IRS2: variants seen among roughly 807,000 people sequenced by gnomAD.
IRS2 encodes the protein insulin receptor substrate 2.
Under a neutral mutation model 70.9 loss-of-function variants are expected in IRS2, and 28 were observed. The ratio of observed to expected loss-of-function variants is 0.39; its 90% CI spans 0.29 to 0.54. The LOEUF is 0.54. Among genes scored for constraint, IRS2 ranks in the 20% least tolerant of loss-of-function variants. The pLI is 0.59. For synonymous variants in IRS2, 1,217 were observed against 981.9 expected, an observed-to-expected ratio of 1.24 and a Z score of -4.48; for missense variants, 2,081 against 2,024.1, an observed-to-expected ratio of 1.03 and a Z score of -0.54.
intron 1 of IRS2, among the ~76,000 whole-genome samples, chr13:109,767,728 C>CTTTTTT (rs748211544): frequency 7.5e-5 from 9 of 119,782 alleles, no homozygotes; most frequent in African/African-American, 9.6e-5. Context: ...ACCATTTTTC[C>CTTTTTT]TTTTTTTTTT....
rs2138938296 is a variant in IRS2, at chr13:109,785,444, G to C, written c.610C>G (p.Pro204Ala). The C allele has an allele frequency of 6.2e-7, 1 of 1,611,956 alleles. No individual in the cohort carries two copies. The highest frequency in any genetic ancestry group is 8.5e-7 in the Non-Finnish European group (1 of 1,179,690). Residue 204 changes from proline (P) to alanine (A), a missense_variant, in exon 1 of 2, where the codon CCC (proline) becomes GCC (alanine). By Grantham distance (27) the Pro-to-Ala change is conservative. This residue lies in a region of IRS2 where 320 missense variants were observed against 352.9 expected (regional missense o/e 0.91). Transcript: ENST00000375856. The surrounding 1 kb of genome is among the most constrained non-coding windows in gnomAD (Gnocchi z 9.3). ...YREVWQVNLK[P>A]KGLGQSKNLT... ...TTCTTGCTCTGGCCCAGACCCTTGG[G>C]CTTCAGGTTCACCTGCCACACCTCA...
intron 1 of IRS2, among the ~76,000 whole-genome samples, chr13:109,780,366 G>GT (rs1877669688): frequency 6.6e-6 from 1 of 152,188 alleles, no homozygotes; most frequent in Admixed American, 6.5e-5. Flanking sequence ...TAGTGTATAA[G>GT]TAACTCCAAC....
rs771264370 is a variant in IRS2 at position 109,786,024 on chromosome 13, G to C, written c.30C>G (p.Pro10=). 267 of 1,367,600 alleles carry C rather than the reference G, an allele frequency of 2.0e-4. No individual in the cohort carries two copies. Among genetic ancestry groups the C allele is most frequent in the Middle Eastern group, 4.3e-4 (2 of 4,618 alleles). 84.7% of individuals were successfully genotyped at this position (1,367,600 alleles called of 1,614,324 possible). The part of the protein sequence containing the change: MASPPRHGP[P]GPASGDGPNL... ...TGGGGCCGTCTCCGCTCGCCGGCCC[G>C]GGCGGCCCGTGCCGCGGCGGGCTCG... The change falls in exon 1 of 2, where the codon CCC becomes CCG. Residue 10 remains proline (P), a synonymous_variant. Transcript: ENST00000375856. This position sits in a 1 kb window ranked among gnomAD's most constrained non-coding sequence, Gnocchi z 4.4.
In IRS2 at chr13:109,782,915, C is replaced by G. The variant is rs1316344339; in HGVS notation, c.3139G>C (p.Ala1047Pro). The G allele has an allele frequency of 2.6e-6, 4 of 1,543,934 alleles. No individual in the cohort carries two copies. Among genetic ancestry groups the G allele is most frequent in the Non-Finnish European group, 3.5e-6 (4 of 1,143,946 alleles). The change falls in exon 1 of 2, where the codon GCC (alanine) becomes CCC (proline). Residue 1047 changes from alanine to proline, a missense_variant. By Grantham distance (27) the Ala-to-Pro change is conservative. Coordinates refer to ENST00000375856, the MANE Select transcript of IRS2 (RefSeq NM_003749.3). The part of the protein sequence containing the change: ...APGELYRLPP[A>P]SAVATAQGPG... ...CCCTGGGCGGTGGCAACGGCCGAGG[C>G]GGGGGGCAGGCGGTACAGCTCCCCC...
chr13:109,758,935 G>A (rs1225357325), intron 1 of IRS2, among the ~76,000 whole-genome samples: 4 of 151,466 alleles, frequency 2.6e-5, no homozygotes. Flanking sequence ...AAGGAGGGAG[G>A]AAGGGGAAAG....
chr13:109,783,424 G>A lies in IRS2; in HGVS notation c.2630C>T (p.Pro877Leu), dbSNP rs775002025. Residue 877 changes from proline to leucine, a missense_variant, in exon 1 of 2, where the codon CCG (proline) becomes CTG (leucine). Pro to Leu is a moderately conservative substitution (Grantham distance 98). This residue lies in a region of IRS2 where 1,615 missense variants were observed against 1,459.5 expected (regional missense o/e 1.11). Transcript: ENST00000375856. ...GCCGCGCTGGCCCAAGAAGCCCTCCGGGCGGCCGCCGCTAGGCCGCACGGG... is the reference window on the plus strand; with the variant it reads ...GCCGCGCTGGCCCAAGAAGCCCTCCAGGCGGCCGCCGCTAGGCCGCACGGG... ...PSPVRPSGGR[P>L]EGFLGQRGRA... The A allele has an allele frequency of 5.4e-6, 8 of 1,492,760 alleles. No individual in the cohort carries two copies. The African/African-American group carries it at 8.7e-5, about 16-fold the overall frequency. 92.5% of individuals were successfully genotyped at this position (1,492,760 alleles called of 1,614,324 possible). A position where few individuals can be genotyped will look rare whatever the true frequency, so the allele number is the denominator to read the frequency against.
chr13:109,772,530 T>C (rs563590642), intron 1 of IRS2, among the ~76,000 whole-genome samples: 13 of 152,258 alleles, frequency 8.5e-5, no homozygotes, highest in Non-Finnish European at 1.9e-4. Flanking sequence ...CAGCCAGGTC[T>C]CCAATCTCAC....
chr13:109,782,366 C>A lies in IRS2; in HGVS notation c.3688G>T (p.Gly1230Cys), dbSNP rs113301332. ...WTPGQPGGLV[G>C]CPGSGGSPMR... ...GGCGATCCACCGCTCCCAGGACAAC[C>A]GACCAAGCCCCCGGGCTGACCCGGG... The change falls in exon 1 of 2, where the codon GGT becomes TGT. Residue 1230 changes from glycine (G) to cysteine (C), a missense_variant. By Grantham distance (159) the Gly-to-Cys change is radical (BLOSUM62 -3). Around this residue, in one of 4 missense-constraint regions of IRS2, gnomAD observed 1,615 missense variants for 1,459.5 expected, o/e 1.11. Coordinates refer to ENST00000375856, the MANE Select transcript of IRS2 (RefSeq NM_003749.3). 1.2e-5 allele frequency: 19 copies of A among 1,611,596 alleles called. No individual in the cohort carries two copies. The highest frequency in any genetic ancestry group is 1.7e-4 in the Middle Eastern group (1 of 6,060).
In IRS2 at chr13:109,783,714, C is replaced by A. The variant is rs776773781; in HGVS notation, c.2340G>T (p.Pro780=). 1.9e-6 allele frequency: 3 copies of A among 1,571,914 alleles called. No homozygotes were observed. Among genetic ancestry groups the A allele is most frequent in the East Asian group, 2.4e-5 (1 of 42,378 alleles). The change falls in exon 1 of 2, where the codon CCG becomes CCT. Residue 780 remains proline (P), a synonymous_variant. Coordinates refer to ENST00000375856, the MANE Select transcript of IRS2 (RefSeq NM_003749.3). The part of the protein sequence containing the change: ...SPSDAVTTGT[P]PDFFSAALHP... Reference sequence around the variant, plus strand: ...GCAGGGCTGCGGAGAAGAAGTCGGGCGGGGTGCCCGTGGTGACCGCGTCGC... The same window carrying A: ...GCAGGGCTGCGGAGAAGAAGTCGGGAGGGGTGCCCGTGGTGACCGCGTCGC...
At chr13:109,777,648 G>A (rs747962810) in intron 1 of IRS2, among the ~76,000 whole-genome samples, 1 of 152,072 alleles carries the variant, frequency 6.6e-6, no homozygotes, top group East Asian at 1.9e-4. Flanking sequence ...AACAACCTCA[G>A]GGTTCTGTTT....
intron 1 of IRS2, among the ~76,000 whole-genome samples, chr13:109,776,128 G>A (rs1877570605): frequency 6.7e-6 from 1 of 148,600 alleles, no homozygotes; most frequent in Non-Finnish European, 1.5e-5. Flanking sequence ...CAGACTGAGT[G>A]ATAGAGTGAG....
At chr13:109,782,012 G>A (rs746771171) in intron 1 of IRS2, 30 bp downstream of exon 1, 6 of 1,608,510 alleles carry the variant, frequency 3.7e-6, no homozygotes, top group African/African-American at 1.3e-5. Context: ...CCTCCTTCCC[G>A]CCAGACGCCA....
At chr13:109,759,370 C>T (rs1025698082) in intron 1 of IRS2, among the ~76,000 whole-genome samples, 4 of 152,042 alleles carry the variant, frequency 2.6e-5, no homozygotes, top group African/African-American at 4.8e-5. Context: ...TGCTTGGAAG[C>T]GCTCGCGGTG....
rs1464161443 is a variant in IRS2 at position 109,784,272 on chromosome 13, C to A, written c.1782G>T (p.Ser594=). Residue 594 remains serine, a synonymous_variant, in exon 1 of 2, where the codon TCG becomes TCT. Coordinates refer to ENST00000375856, the MANE Select transcript of IRS2 (RefSeq NM_003749.3). This position sits in a 1 kb window ranked among gnomAD's most constrained non-coding sequence, Gnocchi z 5.2. ...QRPVPQPSSA[S]LDEYTLMRAT... Reference sequence around the variant, plus strand: ...CCCGCATCAGGGTGTATTCATCCAGCGAGGCAGAGGAGGGCTGGGGCACCG... The same window carrying A: ...CCCGCATCAGGGTGTATTCATCCAGAGAGGCAGAGGAGGGCTGGGGCACCG... The A allele has an allele frequency of 1.3e-6, 2 of 1,592,082 alleles. No homozygotes were observed. The highest frequency in any genetic ancestry group is 1.7e-6 in the Non-Finnish European group (2 of 1,168,698).
At position 109,785,543 on chromosome 13, in the gene IRS2, G is replaced by T. The variant is rs764248590; in HGVS notation, c.511C>A (p.Leu171Met). Residue 171 changes from leucine to methionine, a missense_variant, in exon 1 of 2, where the codon CTG (leucine) becomes ATG (methionine). Around this residue, in one of 4 missense-constraint regions of IRS2, gnomAD observed 320 missense variants for 352.9 expected, o/e 0.91. Transcript: ENST00000375856. The surrounding 1 kb of genome is among the most constrained non-coding windows in gnomAD (Gnocchi z 9.3). ...ASCSASLPGA[L>M]GGSAGAAGAE... ...CCGGCGGCGCCGGCAGAGCCGCCCA[G>T]GGCGCCGGGCAGGGAGGCGCTGCAG... 1.3e-6 allele frequency: 2 copies of T among 1,550,390 alleles called. No homozygotes were observed. The highest frequency in any genetic ancestry group is 1.7e-6 in the Non-Finnish European group (2 of 1,147,488).
At chr13:109,769,508 T>G (rs914562626) in intron 1 of IRS2, among the ~76,000 whole-genome samples, 2 of 152,178 alleles carry the variant, frequency 1.3e-5, no homozygotes, top group African/African-American at 4.8e-5. Flanking sequence ...TCATCCCCTT[T>G]GCCTACTTGG....
At chr13:109,761,685 C>A (rs1877231456) in intron 1 of IRS2, among the ~76,000 whole-genome samples, 2 of 151,008 alleles carry the variant, frequency 1.3e-5, no homozygotes, top group Non-Finnish European at 3.0e-5. Context: ...GGAAAAAAAA[C>A]TAACTTAAAA....
Position 109,784,933 on chromosome 13 carries a change from C to G in IRS2, c.1121G>C (p.Gly374Ala), listed in dbSNP as rs1009319751. Residue 374 changes from glycine to alanine, a missense_variant, in exon 1 of 2, where the codon GGA becomes GCA. By Grantham distance (60) the Gly-to-Ala change is moderately conservative. Around this residue, in one of 4 missense-constraint regions of IRS2, gnomAD observed 1,615 missense variants for 1,459.5 expected, o/e 1.11. Coordinates refer to ENST00000375856, the MANE Select transcript of IRS2 (RefSeq NM_003749.3). The surrounding 1 kb of genome is among the most constrained non-coding windows in gnomAD (Gnocchi z 5.2). ...ASEGDGGAAA[G>A]AAAAGARPVS... Reference sequence around the variant, plus strand: ...CGGCCTGGCGCCCGCGGCCGCCGCTCCCGCCGCCGCGCCGCCGTCGCCCTC... The same window carrying G: ...CGGCCTGGCGCCCGCGGCCGCCGCTGCCGCCGCCGCGCCGCCGTCGCCCTC... 3.7e-6 allele frequency: 4 copies of G among 1,080,732 alleles called. No homozygotes were observed. The East Asian group carries it at 1.8e-4, about 50-fold the overall frequency. The allele number at this position is 1,080,732 out of a possible 1,614,324, so 66.9% of individuals were successfully genotyped here.
At chr13:109,774,524 T>C (rs9521510) in intron 1 of IRS2, among the ~76,000 whole-genome samples, 41,390 of 152,092 alleles carry the variant, frequency 0.27, 6,726 homozygotes, top group East Asian at 0.44. Context: ...TTAACTTAAA[T>C]GTTGCTTGAG....
Sources: gnomAD v4.1 joint callset for allele counts (sites outside exome capture counted in the v4.1 genomes callset) on GRCh38, gnomAD v4.1.1 for gene constraint, gnomAD v4.1.1 regional missense constraint, Gnocchi (gnomAD v3.1) non-coding constraint, MANE v1.5 for transcripts, NCBI Gene and HGNC (gene_info 2026-07-23, HGNC 2026-07-21) for gene names.